Variants in TICAM1 observed in about 807,000 individuals in gnomAD.
TICAM1 encodes the protein TIR domain-containing adapter molecule 1.
For missense variants in TICAM1, 895 were observed against 938.2 expected, an observed-to-expected ratio of 0.95 and a Z score of 0.60; for synonymous variants, 439 against 415.4, an observed-to-expected ratio of 1.06 and a Z score of -0.69.
chr19:4,819,830 G>A (rs1336201358), intron 1 of TICAM1, among the ~76,000 whole-genome samples: 3 of 152,020 alleles, frequency 2.0e-5, no homozygotes, highest in East Asian at 3.9e-4. Flanking sequence ...AGCAAAGATC[G>A]CACCATTGCA....
At position 4,818,587 on chromosome 19, in the gene TICAM1, C is replaced by T; in HGVS notation, c.-139-71G>A. 5.5e-6 allele frequency: 6 copies of T among 1,085,422 alleles called. No individual in the cohort carries two copies. Among genetic ancestry groups the T allele is most frequent in the Non-Finnish European group, 7.4e-6 (6 of 805,816 alleles). The allele number at this position is 1,085,422 out of a possible 1,614,324, so 67.2% of individuals were successfully genotyped here. ...CAGCACGGGAAGGCGGCCCACACAC[C>T]CCCGCCTGCTTTCCCCGCCTGCCAC... On this transcript the variant is annotated intron_variant, in intron 1 of 1. Coordinates refer to ENST00000248244, the MANE Select transcript of TICAM1 (RefSeq NM_182919.4). This position sits in a 1 kb window ranked among gnomAD's most constrained non-coding sequence, Gnocchi z 4.0.
chr19:4,825,175 G>T (rs990041929), intron 1 of TICAM1, among the ~76,000 whole-genome samples: 2 of 152,040 alleles, frequency 1.3e-5, no homozygotes, highest in African/African-American at 4.8e-5. Context: ...AGCTGCTTGG[G>T]AGGCTGAGGG....
Position 4,816,665 on chromosome 19 carries a change from T to C in TICAM1, c.1713A>G (p.Ser571=). The C allele has an allele frequency of 6.2e-7, 1 of 1,614,154 alleles. No individual in the cohort carries two copies. The highest frequency in any genetic ancestry group is 1.7e-5 in the Admixed American group (1 of 60,026). Residue 571 remains serine, a synonymous_variant, in exon 2 of 2, where the codon TCA becomes TCG. Transcript: ENST00000248244. This position sits in a 1 kb window ranked among gnomAD's most constrained non-coding sequence, Gnocchi z 4.3. ...MQAAALNAAY[S]AYLQSYLSYQ... ...AGGACAAGTAGCTCTGGAGGTAGGC[T>C]GAGTAGGCTGCGTTCAGTGCCGCCG...
chr19:4,828,733 T>C (rs2093609503), intron 1 of TICAM1, among the ~76,000 whole-genome samples: 2 of 127,676 alleles, frequency 1.6e-5, no homozygotes, highest in African/African-American at 3.1e-5. Context: ...AGACCGAATC[T>C]CCCTCTGTCG....
At chr19:4,821,195 CAAA>C (rs76432448) in intron 1 of TICAM1, among the ~76,000 whole-genome samples, 1 of 122,390 alleles carries the variant, frequency 8.2e-6, no homozygotes, top group Admixed American at 8.6e-5. Context: ...AACTCCATCT[CAAA>C]AAAAAAAAAA....
intron 1 of TICAM1, among the ~76,000 whole-genome samples, chr19:4,829,418 G>A (rs1277028509): frequency 9.7e-6 from 1 of 103,612 alleles, no homozygotes; most frequent in Non-Finnish European, 1.9e-5. Context: ...CCTGCCCACT[G>A]CCACCTCCAC....
chr19:4,816,444 G>T lies in TICAM1; in HGVS notation c.1934C>A (p.Ser645Tyr), dbSNP rs1487696328. The change falls in exon 2 of 2, where the codon TCC becomes TAC. Residue 645 changes from serine to tyrosine, a missense_variant. Coordinates refer to ENST00000248244, the MANE Select transcript of TICAM1 (RefSeq NM_182919.4). The surrounding 1 kb of genome is among the most constrained non-coding windows in gnomAD (Gnocchi z 4.3). ...AWQAGTPPPP[S>Y]PQPAAFPQSL... is the part of the protein sequence containing the mutation. ...CTGTGGAAAGGCTGCTGGCTGTGGG[G>T]AGGGCGGTGGGGGGGTGCCAGCCTG... 6.4e-7 allele frequency: 1 copy of T among 1,556,590 alleles called. No homozygotes were observed. Among genetic ancestry groups the T allele is most frequent in the Admixed American group, 1.9e-5 (1 of 52,072 alleles).
At chr19:4,825,822 G>T (rs2093604629) in intron 1 of TICAM1, among the ~76,000 whole-genome samples, 3 of 151,988 alleles carry the variant, frequency 2.0e-5, no homozygotes, top group Non-Finnish European at 4.4e-5. Flanking sequence ...AGCAGGGCAT[G>T]GTGGCAGGTG....
chr19:4,818,924 A>G lies in TICAM1; in HGVS notation c.-139-408T>C, dbSNP rs1156450030. Among the ~76,000 whole-genome samples the G allele has an allele frequency of 6.6e-6, 1 of 152,168 alleles. No individual in the cohort carries two copies. The highest frequency in any genetic ancestry group is 1.5e-5 in the Non-Finnish European group (1 of 68,034). ...CAGGAGTTCGAGACCAGCCTGGCCA[A>G]CATGGTGAAACCCCGTTTCTACTAA... is the stretch of plus-strand genomic sequence containing the variant. On this transcript the variant is annotated intron_variant, in intron 1 of 1. Coordinates refer to ENST00000248244, the MANE Select transcript of TICAM1 (RefSeq NM_182919.4). This position sits in a 1 kb window ranked among gnomAD's most constrained non-coding sequence, Gnocchi z 4.0.
chr19:4,831,468 GCGCCA>G (rs2093613561), intron 1 of TICAM1, 141 bp downstream of exon 1: 1 of 152,048 alleles, frequency 6.6e-6, no homozygotes. Context: ...CCAACGCGCG[GCGCCA>G]GGCCCCCTCC....
At chr19:4,822,391 C>T (rs1023692652) in intron 1 of TICAM1, among the ~76,000 whole-genome samples, 1 of 151,656 alleles carries the variant, frequency 6.6e-6, no homozygotes, top group Non-Finnish European at 1.5e-5. Context: ...CACAGGCACC[C>T]GCCACCACGC....
At chr19:4,829,691 T>C (rs1439584096) in intron 1 of TICAM1, among the ~76,000 whole-genome samples, 1 of 152,014 alleles carries the variant, frequency 6.6e-6, no homozygotes, top group Non-Finnish European at 1.5e-5. Flanking sequence ...TTTAGATCAG[T>C]GCCCAGCAAG....
At chr19:4,822,400 G>A (rs2093599206) in intron 1 of TICAM1, among the ~76,000 whole-genome samples, 1 of 151,072 alleles carries the variant, frequency 6.6e-6, no homozygotes, top group Non-Finnish European at 1.5e-5. Flanking sequence ...CCGCCACCAC[G>A]CCCAGCTAAT....
rs993333611 is a variant in TICAM1 at position 4,819,829 on chromosome 19, C to T, written c.-139-1313G>A. ...GGCAGAGGTTGCAGTGAGCAAAGAT[C>T]GCACCATTGCACTCCAGCCTGGGCA... On this transcript the variant is annotated intron_variant, in intron 1 of 1. Transcript: ENST00000248244. 1.1e-4 allele frequency among the ~76,000 whole-genome samples: 16 copies of T among 151,424 alleles called. 1 individual carries two copies. The highest frequency in any genetic ancestry group is 3.9e-4 in the Admixed American group (6 of 15,196).
In TICAM1 at chr19:4,816,041, C is replaced by A; in HGVS notation, c.*198G>T. 1.4e-6 allele frequency: 1 copy of A among 730,508 alleles called. No individual in the cohort carries two copies. Among genetic ancestry groups the A allele is most frequent in the Non-Finnish European group, 1.9e-6 (1 of 524,982 alleles). The allele number at this position is 730,508 out of a possible 1,614,324, so 45.3% of individuals were successfully genotyped here. A position where few individuals can be genotyped will look rare whatever the true frequency, so the allele number is the denominator to read the frequency against. The stretch of plus-strand genomic sequence containing the variant: ...GGAATTGTAAACACCGTATCCAGTT[C>A]TGACCACCCTGAAAGCCAGGGCATC... On this transcript the variant is annotated 3_prime_UTR_variant, in exon 2 of 2. Transcript: ENST00000248244. This position sits in a 1 kb window ranked among gnomAD's most constrained non-coding sequence, Gnocchi z 4.3.
Position 4,816,778 on chromosome 19 carries a change from G to C in TICAM1, c.1600C>G (p.Gln534Glu). The change falls in exon 2 of 2, where the codon CAG becomes GAG. Residue 534 changes from glutamine (Q) to glutamate (E), a missense_variant. Transcript: ENST00000248244. This position sits in a 1 kb window ranked among gnomAD's most constrained non-coding sequence, Gnocchi z 4.3. The stretch of plus-strand genomic sequence containing the variant: ...TTCCTCCACATGGCCTTTCGGGCCT[G>C]AAGCCTGTGGGGCTTGAAGGTGTTG... ...VANTFKPHRL[Q>E]ARKAMWRKEQ... 6.2e-7 allele frequency: 1 copy of C among 1,613,470 alleles called. No homozygotes were observed. Among genetic ancestry groups the C allele is most frequent in the Non-Finnish European group, 8.5e-7 (1 of 1,180,010 alleles).
intron 1 of TICAM1, among the ~76,000 whole-genome samples, chr19:4,820,202 C>T (rs141696971): frequency 2.6e-4 from 39 of 151,842 alleles, no homozygotes; most frequent in East Asian, 1.9e-3. Context: ...GGGCAAATCA[C>T]GAGATCAGGA....
rs1393451715 is a variant in TICAM1, at chr19:4,818,972, GT to G, written c.-139-457del. On this transcript the variant is annotated intron_variant, in intron 1 of 1. Coordinates refer to ENST00000248244, the MANE Select transcript of TICAM1 (RefSeq NM_182919.4). The surrounding 1 kb of genome is among the most constrained non-coding windows in gnomAD (Gnocchi z 4.0). ...TAAAAATACAAAGAATTAGCCAGGA[GT>G]GGTGGTGCATTCTTGTAATCCCAGC... Among the ~76,000 whole-genome samples the G allele has an allele frequency of 6.6e-6, 1 of 152,112 alleles. No individual in the cohort carries two copies. Among genetic ancestry groups the G allele is most frequent in the Non-Finnish European group, 1.5e-5 (1 of 68,008 alleles).
chr19:4,828,991 C>T (rs535802273), intron 1 of TICAM1, among the ~76,000 whole-genome samples: 52 of 152,166 alleles, frequency 3.4e-4, no homozygotes, highest in Middle Eastern at 3.4e-3. Context: ...TTAGCCACCA[C>T]GCCCTGCTAG....
Sources: gnomAD v4.1 joint callset for allele counts (sites outside exome capture counted in the v4.1 genomes callset) on GRCh38, gnomAD v4.1.1 for gene constraint, Gnocchi (gnomAD v3.1) non-coding constraint, MANE v1.5 for transcripts, NCBI Gene and HGNC (gene_info 2026-07-23, HGNC 2026-07-21) for gene names.